TRMT9B: variants seen among roughly 807,000 people sequenced by gnomAD.
TRMT9B encodes probable tRNA methyltransferase 9B.
A neutral mutation model predicts 11.5 loss-of-function variants in TRMT9B; 16 were observed. That is an observed-to-expected ratio of 1.39 (90% CI 0.94 to 2.11). The LOEUF (loss-of-function observed/expected upper bound fraction) is 2.11. Ranked by LOEUF, TRMT9B falls within the 30% of genes most tolerant of loss-of-function variation. TRMT9B has a pLI of 0.00. For missense variants in TRMT9B, 941 were observed against 553.8 expected (o/e 1.70, Z -7.02); for synonymous variants, 274 against 192.4 (o/e 1.42, Z -3.51).
At position 13,002,879 on chromosome 8, in the gene TRMT9B, A is replaced by G. The variant is rs551339651; in HGVS notation, c.-1-3323A>G. ...GGGACAGAGGCTGTCCAGGGACAGT[A>G]TCTTCTCTCCAGTTACACTCCCATC... On this transcript the variant is annotated intron_variant, in intron 2 of 4. Coordinates refer to ENST00000524591, the MANE Select transcript of TRMT9B (RefSeq NM_020844.3). Among the ~76,000 whole-genome samples, 33 of 152,204 alleles carry G rather than the reference A, an allele frequency of 2.2e-4. No individual in the cohort carries two copies. In the South Asian group the frequency reaches 3.3e-3, roughly 15 times the overall value.
intron 3 of TRMT9B, among the ~76,000 whole-genome samples, chr8:13,008,499 C>G (rs1181835694): frequency 1.3e-5 from 2 of 152,106 alleles, no homozygotes; most frequent in East Asian, 3.9e-4. Context: ...AATGACAATG[C>G]AAGGCTGTAG....
intron 2 of TRMT9B, among the ~76,000 whole-genome samples, chr8:12,999,826 C>T (rs1175830926): frequency 1.3e-5 from 2 of 152,126 alleles, no homozygotes; most frequent in Non-Finnish European, 2.9e-5. Flanking sequence ...GAAGTTGCCA[C>T]TAGGCTCACA....
rs1814235570 is a variant in TRMT9B at position 13,023,219 on chromosome 8, G to C, written c.*1175G>C. The C allele has an allele frequency of 6.0e-6, 1 of 167,186 alleles. No individual in the cohort carries two copies. The highest frequency in any genetic ancestry group is 2.1e-4 in the South Asian group (1 of 4,818). 10.4% of individuals were successfully genotyped at this position (167,186 alleles called of 1,614,324 possible). ...AATGATGAGTCTGCATCAAGAACTA[G>C]GCATTTCTTCTGAGTTGACGGACTC... On this transcript the variant is annotated 3_prime_UTR_variant, in exon 5 of 5. Transcript: ENST00000524591.
intron 3 of TRMT9B, chr8:13,011,914 G>T: frequency 1.0e-6 from 1 of 985,208 alleles, no homozygotes; most frequent in Non-Finnish European, 1.2e-6. Flanking sequence ...ATAAATAATA[G>T]AAAAGTTGTT....
chr8:12,980,014 T>C (rs2460345), intron 1 of TRMT9B, among the ~76,000 whole-genome samples: 131,311 of 152,092 alleles, frequency 0.86, 56,838 homozygotes, highest in Middle Eastern at 0.9. Flanking sequence ...GCATTCAGAG[T>C]CCAGGATGAG....
intron 3 of TRMT9B, chr8:13,007,385 G>A (rs1303570112): frequency 6.6e-6 from 1 of 152,176 alleles, no homozygotes; most frequent in Non-Finnish European, 1.5e-5. Context: ...CTTAAAATGT[G>A]GTTGGAATCT....
chr8:13,017,721 C>G (rs988854747), intron 4 of TRMT9B, among the ~76,000 whole-genome samples: 2 of 146,910 alleles, frequency 1.4e-5, no homozygotes, highest in African/African-American at 5.0e-5. Context: ...TCTAGAGATT[C>G]TCTCACATCA....
chr8:13,020,102 C>A (rs79709291), intron 4 of TRMT9B, among the ~76,000 whole-genome samples: 1 of 152,160 alleles, frequency 6.6e-6, no homozygotes, highest in Admixed American at 6.5e-5. Flanking sequence ...TCACCACTAA[C>A]AGTTGGATTA....
intron 3 of TRMT9B, chr8:13,012,264 G>C (rs1460662705): frequency 1.9e-5 from 19 of 987,254 alleles, no homozygotes; most frequent in Non-Finnish European, 2.2e-5. Flanking sequence ...GTTGTATTCT[G>C]TCTTGGTTAG....
intron 1 of TRMT9B, among the ~76,000 whole-genome samples, chr8:12,955,150 A>G (rs1801133159): frequency 6.6e-6 from 1 of 152,164 alleles, no homozygotes; most frequent in South Asian, 2.1e-4. Flanking sequence ...CCATCTGGGT[A>G]TACTGAATAT....
intron 1 of TRMT9B, among the ~76,000 whole-genome samples, chr8:12,983,693 C>G (rs149117628): frequency 8.3e-4 from 127 of 152,150 alleles, no homozygotes; most frequent in Admixed American, 1.4e-3. Flanking sequence ...TAATAAAACC[C>G]TTCTAGCAGA....
At chr8:13,011,271 C>G (rs1013583916) in intron 3 of TRMT9B, 4 of 983,700 alleles carry the variant, frequency 4.1e-6, no homozygotes, top group African/African-American at 1.7e-5. Flanking sequence ...TAGGCATGAG[C>G]CACCGCGCCA....
At chr8:13,001,592 A>T (rs1809467867) in intron 2 of TRMT9B, among the ~76,000 whole-genome samples, 1 of 152,220 alleles carries the variant, frequency 6.6e-6, no homozygotes, top group East Asian at 1.9e-4. Context: ...TAACATTTCC[A>T]CAGTGTCTTC....
At chr8:12,998,497 A>G (rs1585279508) in intron 2 of TRMT9B, among the ~76,000 whole-genome samples, 1 of 152,268 alleles carries the variant, frequency 6.6e-6, no homozygotes, top group African/African-American at 2.4e-5. Flanking sequence ...GATAGAGGTA[A>G]TAGAAGTTCC....
intron 1 of TRMT9B, among the ~76,000 whole-genome samples, chr8:12,977,827 C>T (rs1168007820): frequency 6.7e-6 from 1 of 149,010 alleles, no homozygotes; most frequent in African/African-American, 2.5e-5. Context: ...CCAGCCTGGG[C>T]AATATAGCAA....
At chr8:12,961,080 G>T (rs1300865155) in intron 1 of TRMT9B, among the ~76,000 whole-genome samples, 2 of 152,106 alleles carry the variant, frequency 1.3e-5, no homozygotes, top group Non-Finnish European at 2.9e-5. Flanking sequence ...AGTGGAGGTT[G>T]CAGTGAGCCG....
intron 3 of TRMT9B, chr8:13,010,333 TAAAG>T: frequency 2.1e-6 from 2 of 968,590 alleles, no homozygotes; most frequent in Non-Finnish European, 2.5e-6. Flanking sequence ...AAATTGAAGT[TAAAG>T]AAGAAAGAAA....
chr8:13,009,010 G>C lies in TRMT9B; in HGVS notation c.154+2654G>C, dbSNP rs373406261. Among the ~76,000 whole-genome samples the C allele has an allele frequency of 3.3e-5, 5 of 152,280 alleles. No homozygotes were observed. The East Asian group carries it at 5.8e-4, about 18-fold the overall frequency. ...CCCAAAGTGCTGGGATTACAGGCGT[G>C]AGCCACCGCGCCCGGCCGGTAATTT... is the stretch of plus-strand genomic sequence containing the variant. On this transcript the variant is annotated intron_variant, in intron 3 of 4. Transcript: ENST00000524591.
In TRMT9B at chr8:13,006,288, G is replaced by T; in HGVS notation, c.86G>T (p.Ser29Ile). ...STAPYFSDLQSKAWPRVRQFL... is the reference protein window; with the variant it reads ...STAPYFSDLQIKAWPRVRQFL... ...GCCCCTTACTTCAGCGACCTGCAGAGCAAAGCCTGGCCTCGTGTCCGCCAG... is the reference window on the plus strand; with the variant it reads ...GCCCCTTACTTCAGCGACCTGCAGATCAAAGCCTGGCCTCGTGTCCGCCAG... The change falls in exon 3 of 5, where the codon AGC becomes ATC. Residue 29 changes from serine (S) to isoleucine (I), a missense_variant. Physicochemically the swap from Ser to Ile is moderately radical, Grantham distance 142. Transcript: ENST00000524591. The T allele has an allele frequency of 6.2e-7, 1 of 1,613,924 alleles. No individual in the cohort carries two copies. The highest frequency in any genetic ancestry group is 8.5e-7 in the Non-Finnish European group (1 of 1,179,872).
Sources: gnomAD v4.1 joint callset for allele counts (sites outside exome capture counted in the v4.1 genomes callset) on GRCh38, gnomAD v4.1.1 for gene constraint, MANE v1.5 for transcripts, NCBI Gene and HGNC (gene_info 2026-07-23, HGNC 2026-07-21) for gene names.